Variants in VPS35L observed in about 807,000 individuals in gnomAD.
VPS35L encodes the protein VPS35 endosomal protein-sorting factor-like.
VPS35L carries 83 observed loss-of-function variants against 133.0 expected under a neutral mutation model. The observed-to-expected ratio is 0.62, with a 90% CI of 0.52 to 0.75. The LOEUF is 0.75. Among genes scored for constraint, VPS35L ranks in the 30% least tolerant of loss-of-function variants. VPS35L has a pLI of 0.00. For synonymous variants in VPS35L, 423 were observed against 449.9 expected, an observed-to-expected ratio of 0.94 and a Z score of 0.76; for missense variants, 1,083 against 1,206.8, an observed-to-expected ratio of 0.90 and a Z score of 1.52.
intron 23 of VPS35L, among the ~76,000 whole-genome samples, chr16:19,645,470 T>C (rs1236042929): frequency 6.6e-6 from 1 of 152,144 alleles, no homozygotes; most frequent in Non-Finnish European, 1.5e-5. Context: ...TTTGTATTTT[T>C]AGTAGAGACG....
At chr16:19,600,878 A>T (rs944548959) in intron 8 of VPS35L, among the ~76,000 whole-genome samples, 6 of 152,130 alleles carry the variant, frequency 3.9e-5, no homozygotes, top group African/African-American at 1.4e-4. Flanking sequence ...GACATATTTT[A>T]TGTGAAGAAG....
chr16:19,647,211 G>T (rs547830967), intron 23 of VPS35L, among the ~76,000 whole-genome samples: 3 of 152,228 alleles, frequency 2.0e-5, no homozygotes, highest in East Asian at 3.9e-4. Flanking sequence ...TCTTTTTACG[G>T]CATTGTCTGA....
At chr16:19,590,134 GCCCC>G (rs1469677058) in intron 7 of VPS35L, among the ~76,000 whole-genome samples, 2 of 20,660 alleles carry the variant, frequency 9.7e-5, no homozygotes, top group African/African-American at 1.5e-4. Flanking sequence ...TTACATTCCC[GCCCC>G]GCCCCCCCCC....
chr16:19,558,752 C>T (rs1016558930), intron 1 of VPS35L, among the ~76,000 whole-genome samples: 5 of 151,298 alleles, frequency 3.3e-5, no homozygotes, highest in Admixed American at 1.3e-4. Context: ...GAAACCCTGT[C>T]TCTACTAGAA....
At chr16:19,676,250 C>T (rs1283109502) in intron 27 of VPS35L, among the ~76,000 whole-genome samples, 1 of 152,060 alleles carries the variant, frequency 6.6e-6, no homozygotes, top group East Asian at 1.9e-4. Context: ...AAAACTCCGA[C>T]TCAAAAAACA....
At chr16:19,645,021 G>A (rs753255260) in intron 23 of VPS35L, 72 bp downstream of exon 23, 1 of 1,076,766 alleles carries the variant, frequency 9.3e-7, no homozygotes, top group Non-Finnish European at 1.4e-6. Flanking sequence ...GTTGGCGAAA[G>A]CAGTTAACAT....
intron 3 of VPS35L, among the ~76,000 whole-genome samples, chr16:19,571,333 C>A (rs1391780773): frequency 6.6e-6 from 1 of 152,070 alleles, no homozygotes; most frequent in Non-Finnish European, 1.5e-5. Flanking sequence ...CCCCCTGCCT[C>A]AGCCTCTCGA....
intron 24 of VPS35L, 53 bp from the exon 25 acceptor site, chr16:19,650,329 C>T (rs1974083661): frequency 2.2e-6 from 3 of 1,363,660 alleles, no homozygotes; most frequent in Non-Finnish European, 3.1e-6. Flanking sequence ...GGAAGACACT[C>T]ATCTGAATCG....
intron 26 of VPS35L, among the ~76,000 whole-genome samples, chr16:19,663,872 T>G (rs113320720): frequency 0.013 from 1,956 of 152,140 alleles, 39 homozygotes; most frequent in African/African-American, 0.043. Context: ...TATTTTCAGC[T>G]TCTGTCTGCA....
chr16:19,655,711 G>A (rs1974276402), intron 26 of VPS35L, among the ~76,000 whole-genome samples: 1 of 152,300 alleles, frequency 6.6e-6, no homozygotes, highest in Non-Finnish European at 1.5e-5. Flanking sequence ...ACGCATGCTT[G>A]TGCCCACCAC....
At chr16:19,693,342 T>C (rs1427181939) in intron 29 of VPS35L, among the ~76,000 whole-genome samples, 1 of 151,846 alleles carries the variant, frequency 6.6e-6, no homozygotes, top group African/African-American at 2.4e-5. Flanking sequence ...CAAAGATAGA[T>C]ACAGTTAGAA....
chr16:19,658,270 C>G (rs1974368579), intron 26 of VPS35L, among the ~76,000 whole-genome samples: 1 of 152,166 alleles, frequency 6.6e-6, no homozygotes, highest in African/African-American at 2.4e-5. Flanking sequence ...TGGCTCAGAC[C>G]TGTAATCCCA....
At chr16:19,660,019 C>A (rs1231856393) in intron 26 of VPS35L, among the ~76,000 whole-genome samples, 1 of 152,106 alleles carries the variant, frequency 6.6e-6, no homozygotes, top group Non-Finnish European at 1.5e-5. Flanking sequence ...CTTGGAACAT[C>A]TTGTCTTAAG....
At chr16:19,616,574 T>C in intron 13 of VPS35L, 112 bp from the exon 14 acceptor site, 1 of 1,358,572 alleles carries the variant, frequency 7.4e-7, no homozygotes, top group Non-Finnish European at 1.0e-6. Context: ...AGGCTATTTC[T>C]CTCAGGGCTG....
rs148579835 is a variant in VPS35L at position 19,619,304 on chromosome 16, A to C, written c.1224+2496A>C. 3.3e-3 allele frequency among the ~76,000 whole-genome samples: 508 copies of C among 152,242 alleles called. 2 individuals carry two copies. Among genetic ancestry groups the C allele is most frequent in the African/African-American group, 0.012 (493 of 41,554 alleles). On this transcript the variant is annotated intron_variant, in intron 14 of 30. Coordinates refer to ENST00000417362, the MANE Select transcript of VPS35L (RefSeq NM_020314.7). ...TTTTTACTTTTTGAGATTCTAAATT[A>C]TGAGGAGAAAAACTGGGACATCTTG...
chr16:19,648,356 T>C (rs1192338017), intron 24 of VPS35L, among the ~76,000 whole-genome samples: 1 of 152,212 alleles, frequency 6.6e-6, no homozygotes, highest in Admixed American at 6.5e-5. Flanking sequence ...CAACTTTGGT[T>C]TTATTGATCT....
At chr16:19,641,413 G>A (rs1198191586) in intron 21 of VPS35L, among the ~76,000 whole-genome samples, 1 of 152,026 alleles carries the variant, frequency 6.6e-6, no homozygotes, top group Non-Finnish European at 1.5e-5. Flanking sequence ...GTATTAGGCA[G>A]TTTATAACTA....
chr16:19,576,281 A>G lies in VPS35L; in HGVS notation c.433+1159A>G, dbSNP rs545648697. On this transcript the variant is annotated intron_variant, in intron 5 of 30. Coordinates refer to ENST00000417362, the MANE Select transcript of VPS35L (RefSeq NM_020314.7). The stretch of plus-strand genomic sequence containing the variant: ...CCCCCTCATTGTGCCTCCCTCACCA[A>G]CTGGGTTTTAGAGAGCCTTTCCCTT... 2.2e-3 allele frequency among the ~76,000 whole-genome samples: 334 copies of G among 152,066 alleles called. 1 individual carries two copies. The highest frequency in any genetic ancestry group is 7.1e-3 in the African/African-American group (294 of 41,496).
chr16:19,561,167 A>C (rs995955210), intron 1 of VPS35L, among the ~76,000 whole-genome samples: 9 of 152,146 alleles, frequency 5.9e-5, no homozygotes, highest in Admixed American at 5.9e-4. Flanking sequence ...CGGGAGATCG[A>C]GACCATCCTG....
Sources: allele counts gnomAD v4.1 joint callset (sites outside exome capture counted in the v4.1 genomes callset), GRCh38; gene constraint gnomAD v4.1.1; transcripts MANE v1.5; gene names NCBI Gene and HGNC (gene_info 2026-07-23, HGNC 2026-07-21).